Variants in TMEM132D observed in about 807,000 individuals in gnomAD.
TMEM132D encodes mature OL transmembrane protein.
In TMEM132D, 21 loss-of-function variants were observed where a neutral mutation model predicts 62.3. The observed-to-expected ratio is 0.34, with a 90% CI of 0.24 to 0.49. The LOEUF is 0.49. Ranked by LOEUF, TMEM132D falls within the 20% of genes least tolerant of loss-of-function variation. The pLI, the probability that TMEM132D is intolerant of heterozygous loss-of-function variation, is 0.99. For synonymous variants in TMEM132D, 621 were observed against 575.6 expected (o/e 1.08, Z -1.13); for missense variants, 1,346 against 1,402.8 (o/e 0.96, Z 0.65).
intron 3 of TMEM132D, among the ~76,000 whole-genome samples, chr12:129,343,987 A>G (rs1869602589): frequency 6.6e-6 from 1 of 152,160 alleles, no homozygotes; most frequent in South Asian, 2.1e-4. Context: ...CATAGTAATT[A>G]AGAAAACTAA....
intron 1 of TMEM132D, among the ~76,000 whole-genome samples, chr12:129,774,822 G>T (rs1870865086): frequency 6.6e-6 from 1 of 152,204 alleles, no homozygotes; most frequent in Admixed American, 6.5e-5. Flanking sequence ...CAGTGAGTCT[G>T]TTGGGATTCT....
chr12:129,343,780 A>C (rs569098304), intron 3 of TMEM132D, among the ~76,000 whole-genome samples: 3 of 151,790 alleles, frequency 2.0e-5, no homozygotes, highest in African/African-American at 4.8e-5. Context: ...ACAAAAAAAA[A>C]AAACAAATGA....
chr12:129,542,428 A>T (rs1006378704), intron 2 of TMEM132D, among the ~76,000 whole-genome samples: 1 of 151,950 alleles, frequency 6.6e-6, no homozygotes, highest in African/African-American at 2.4e-5. Context: ...ATAAACGTAA[A>T]TTCTCAGGGA....
intron 5 of TMEM132D, among the ~76,000 whole-genome samples, chr12:129,196,989 A>C (rs1389059068): frequency 6.6e-6 from 1 of 152,178 alleles, no homozygotes; most frequent in Admixed American, 6.5e-5. Context: ...ACCCGTGAAG[A>C]AAAGGCCCAG....
chr12:129,489,243 A>G (rs747265854), intron 3 of TMEM132D, among the ~76,000 whole-genome samples: 3 of 152,222 alleles, frequency 2.0e-5, no homozygotes, highest in African/African-American at 7.2e-5. Context: ...TGTCACATCA[A>G]TTGGACAAAT....
rs887922318 is a variant in TMEM132D at position 129,382,861 on chromosome 12, C to T, written c.1116-45044G>A. Among the ~76,000 whole-genome samples, 23 of 152,202 alleles carry T rather than the reference C, an allele frequency of 1.5e-4. 1 individual carries two copies. The highest frequency in any genetic ancestry group is 5.8e-4 in the East Asian group (3 of 5,168). On this transcript the variant is annotated intron_variant, in intron 3 of 8. Coordinates refer to ENST00000422113, the MANE Select transcript of TMEM132D (RefSeq NM_133448.3). Reference sequence around the variant, plus strand: ...GATTTTACGGCTGGTGGTGCTGTTGCGGTCCGTGTTTCCGCTCAGTCTTTT... The same window carrying T: ...GATTTTACGGCTGGTGGTGCTGTTGTGGTCCGTGTTTCCGCTCAGTCTTTT...
At chr12:129,669,067 G>A (rs186932544) in intron 2 of TMEM132D, among the ~76,000 whole-genome samples, 12 of 152,214 alleles carry the variant, frequency 7.9e-5, no homozygotes, top group East Asian at 7.7e-4. Context: ...GGCTGGGCTC[G>A]GCTTTTAAAA....
intron 3 of TMEM132D, among the ~76,000 whole-genome samples, chr12:129,395,961 TAA>T (rs1330520110): frequency 1.4e-5 from 2 of 142,958 alleles, no homozygotes; most frequent in Non-Finnish European, 3.0e-5. Flanking sequence ...AAATAATATA[TAA>T]TATATATCAT....
intron 3 of TMEM132D, among the ~76,000 whole-genome samples, chr12:129,353,434 A>T (rs1331109976): frequency 6.6e-6 from 1 of 152,140 alleles, no homozygotes; most frequent in Non-Finnish European, 1.5e-5. Flanking sequence ...CTGTTCAAAC[A>T]TCACTTCCGA....
intron 3 of TMEM132D, among the ~76,000 whole-genome samples, chr12:129,364,504 GTA>G (rs1870346039): frequency 6.6e-6 from 1 of 152,200 alleles, no homozygotes; most frequent in Non-Finnish European, 1.5e-5. Flanking sequence ...TTGGGGAGAC[GTA>G]TAGCGTAATT....
intron 2 of TMEM132D, among the ~76,000 whole-genome samples, chr12:129,603,884 G>A (rs1878546950): frequency 6.6e-6 from 1 of 152,124 alleles, no homozygotes; most frequent in Non-Finnish European, 1.5e-5. Context: ...ATTTACTGCA[G>A]CACTATTTAC....
At chr12:129,177,437 G>T (rs950836259) in intron 5 of TMEM132D, among the ~76,000 whole-genome samples, 5 of 152,172 alleles carry the variant, frequency 3.3e-5, no homozygotes, top group African/African-American at 1.2e-4. Flanking sequence ...AGATTAGGAT[G>T]AGGTGGTTGC....
intron 5 of TMEM132D, among the ~76,000 whole-genome samples, chr12:129,099,252 A>T (rs1363106448): frequency 6.6e-6 from 1 of 152,068 alleles, no homozygotes; most frequent in Non-Finnish European, 1.5e-5. Flanking sequence ...TGTACACCTT[A>T]TTGCGTCAGG....
At chr12:129,222,621 T>G (rs1409374501) in intron 4 of TMEM132D, among the ~76,000 whole-genome samples, 1 of 152,174 alleles carries the variant, frequency 6.6e-6, no homozygotes, top group South Asian at 2.1e-4. Context: ...CTATTGGCTG[T>G]ATTTATAATT....
Position 129,561,155 on chromosome 12 carries a change from A to G in TMEM132D, c.969-29950T>C, listed in dbSNP as rs542803236. On this transcript the variant is annotated intron_variant, in intron 2 of 8. Transcript: ENST00000422113. Reference sequence around the variant, plus strand: ...GATTCAGGGAATGCCTCTCTGAGAGATGATACTTAAGGTGGAACGTAAAAA... The same window carrying G: ...GATTCAGGGAATGCCTCTCTGAGAGGTGATACTTAAGGTGGAACGTAAAAA... Among the ~76,000 whole-genome samples, 4 of 152,314 alleles carry G rather than the reference A, an allele frequency of 2.6e-5. No homozygotes were observed. In the East Asian group the frequency reaches 5.8e-4, roughly 22 times the overall value.
intron 3 of TMEM132D, among the ~76,000 whole-genome samples, chr12:129,384,389 A>G (rs990906490): frequency 6.6e-6 from 1 of 152,110 alleles, no homozygotes; most frequent in Non-Finnish European, 1.5e-5. Context: ...TACATAAACA[A>G]CATTAGGCAG....
At chr12:129,759,375 C>T (rs931526057) in intron 1 of TMEM132D, among the ~76,000 whole-genome samples, 1 of 152,172 alleles carries the variant, frequency 6.6e-6, no homozygotes, top group Non-Finnish European at 1.5e-5. Flanking sequence ...ATTAGGACAA[C>T]TTTTATGAGA....
At chr12:129,593,001 G>T (rs1013131297) in intron 2 of TMEM132D, among the ~76,000 whole-genome samples, 1 of 152,154 alleles carries the variant, frequency 6.6e-6, no homozygotes, top group Non-Finnish European at 1.5e-5. Context: ...GTGGACACCT[G>T]GGTAAATTCC....
chr12:129,831,461 T>A (rs1443161871), intron 1 of TMEM132D, among the ~76,000 whole-genome samples: 1 of 152,346 alleles, frequency 6.6e-6, no homozygotes, highest in South Asian at 2.1e-4. Context: ...TGAGAGGCGC[T>A]CTGAGGCCCG....
Sources: gnomAD v4.1 joint callset for allele counts (sites outside exome capture counted in the v4.1 genomes callset) on GRCh38, gnomAD v4.1.1 for gene constraint, MANE v1.5 for transcripts, NCBI Gene and HGNC (gene_info 2026-07-23, HGNC 2026-07-21) for gene names.